PLEKHA6: variants seen among roughly 807,000 people sequenced by gnomAD.
PLEKHA6 encodes the protein pleckstrin homology domain containing A6, also known as pleckstrin homology domain-containing family A member 6.
In PLEKHA6, 60 loss-of-function variants were observed where a neutral mutation model predicts 116.7. The observed-to-expected ratio is 0.51, with a 90% confidence interval of 0.42 to 0.64. The LOEUF (loss-of-function observed/expected upper bound fraction) is 0.64, where lower values mean the gene tolerates loss of function less well. Ranked by LOEUF, PLEKHA6 falls within the 30% of genes least tolerant of loss-of-function variation. The pLI is 0.00. For missense variants in PLEKHA6, 1,338 were observed against 1,422.7 expected (o/e 0.94, Z 0.96); for synonymous variants, 489 against 556.1 (o/e 0.88, Z 1.70).
chr1:204,279,893 T>C (rs1462125488), intron 1 of PLEKHA6, among the ~76,000 whole-genome samples: 1 of 152,218 alleles, frequency 6.6e-6, no homozygotes, highest in African/African-American at 2.4e-5. Flanking sequence ...TTCTATGAAA[T>C]AATAGCTGTA....
chr1:204,246,164 C>T (rs920696490), intron 13 of PLEKHA6, among the ~76,000 whole-genome samples: 6 of 152,194 alleles, frequency 3.9e-5, no homozygotes, highest in African/African-American at 1.4e-4. Context: ...GTCATGAATT[C>T]AATTACAGTT....
intron 9 of PLEKHA6, chr1:204,251,590 T>C (rs1262916428): frequency 2.8e-6 from 2 of 702,926 alleles, no homozygotes; most frequent in Non-Finnish European, 5.2e-6. Flanking sequence ...ACCATACTGA[T>C]GAGAGTCTCG....
In PLEKHA6 at chr1:204,245,677, T is replaced by A. The variant is rs902249029; in HGVS notation, c.1970A>T (p.Asp657Val). Residue 657 changes from aspartate (D) to valine (V), a missense_variant, in exon 14 of 23, where the codon GAC becomes GTC. Asp to Val is a radical substitution (Grantham distance 152, BLOSUM62 -3). Around this residue, in one of 3 missense-constraint regions of PLEKHA6, gnomAD observed 1,136 missense variants for 1,163.6 expected, o/e 0.98. Transcript: ENST00000272203. ...GTTCTTCCTCAGCCCCTCCATCACG[T>A]CCTGGATCCTCCAGATCTCCTTTTG... Reference protein sequence around the residue: ...QIQKEIWRIQDVMEGLRKNNP... With the variant: ...QIQKEIWRIQVVMEGLRKNNP... 1 of 1,613,804 alleles carries A rather than the reference T, an allele frequency of 6.2e-7. No individual in the cohort carries two copies. Among genetic ancestry groups the A allele is most frequent in the Non-Finnish European group, 8.5e-7 (1 of 1,179,848 alleles).
chr1:204,372,617 A>G (rs919441792), intron 1 of PLEKHA6, among the ~76,000 whole-genome samples: 2 of 152,196 alleles, frequency 1.3e-5, no homozygotes, highest in African/African-American at 4.8e-5. Context: ...AAAATGAGAT[A>G]TCGAATAAAC....
At chr1:204,263,014 T>G (rs1234797019) in intron 6 of PLEKHA6, among the ~76,000 whole-genome samples, 1 of 152,050 alleles carries the variant, frequency 6.6e-6, no homozygotes, top group African/African-American at 2.4e-5. Flanking sequence ...AATTCATCAA[T>G]TCAATGAGCA....
Position 204,219,878 on chromosome 1 carries a change from G to A in PLEKHA6, c.*2910C>T, listed in dbSNP as rs1377778481. 1 of 152,300 alleles carries A rather than the reference G, an allele frequency of 6.6e-6. No individual in the cohort carries two copies. The highest frequency in any genetic ancestry group is 1.5e-5 in the Non-Finnish European group (1 of 68,100). The allele number at this position is 152,300 out of a possible 1,614,324, so 9.4% of individuals were successfully genotyped here. ...GGTTGAGATGCCACCTTGTCTGTAG[G>A]ACCCTCCTTGGCCCAGAGGCTGATT... On this transcript the variant is annotated 3_prime_UTR_variant, in exon 23 of 23. Coordinates refer to ENST00000272203, the MANE Select transcript of PLEKHA6 (RefSeq NM_014935.5).
intron 1 of PLEKHA6, among the ~76,000 whole-genome samples, chr1:204,337,862 TG>T (rs1417105114): frequency 1.3e-5 from 2 of 152,244 alleles, no homozygotes; most frequent in Non-Finnish European, 2.9e-5. Context: ...TCAACTGCGT[TG>T]CCAGCCATAA....
intron 1 of PLEKHA6, among the ~76,000 whole-genome samples, chr1:204,311,031 C>T (rs912217782): frequency 6.6e-6 from 1 of 152,142 alleles, no homozygotes; most frequent in Non-Finnish European, 1.5e-5. Context: ...GAATGAGAGC[C>T]TCCCACATTT....
chr1:204,317,198 G>T, intron 1 of PLEKHA6: 1 of 949,796 alleles, frequency 1.1e-6, no homozygotes, highest in Non-Finnish European at 1.3e-6. Context: ...TAAGCATAGG[G>T]TACTGCTGAT....
chr1:204,264,660 C>A (rs1666552267), intron 6 of PLEKHA6, among the ~76,000 whole-genome samples: 1 of 152,166 alleles, frequency 6.6e-6, no homozygotes, highest in Admixed American at 6.5e-5. Context: ...AATTGTGGTG[C>A]TGCTGAAACA....
At chr1:204,298,665 T>C (rs1159096490) in intron 1 of PLEKHA6, among the ~76,000 whole-genome samples, 2 of 152,174 alleles carry the variant, frequency 1.3e-5, no homozygotes, top group Non-Finnish European at 2.9e-5. Flanking sequence ...AGGGCTAATG[T>C]GCAACAGAAA....
At chr1:204,227,085 C>CA (rs944519015) in intron 21 of PLEKHA6, among the ~76,000 whole-genome samples, 15 of 152,184 alleles carry the variant, frequency 9.9e-5, no homozygotes, top group African/African-American at 3.6e-4. Context: ...TGAACCTCCT[C>CA]AATCACCAAC....
chr1:204,323,542 C>T (rs1394401408), intron 1 of PLEKHA6, among the ~76,000 whole-genome samples: 1 of 152,178 alleles, frequency 6.6e-6, no homozygotes, highest in Non-Finnish European at 1.5e-5. Flanking sequence ...GCTGTCACAG[C>T]CAAATGGACA....
At position 204,337,651 on chromosome 1, in the gene PLEKHA6, C is replaced by A. The variant is rs1166586160; in HGVS notation, c.-95+22043G>T. Among the ~76,000 whole-genome samples, 4 of 152,138 alleles carry A rather than the reference C, an allele frequency of 2.6e-5. No homozygotes were observed. In the East Asian group the frequency reaches 7.7e-4, roughly 29 times the overall value. On this transcript the variant is annotated intron_variant, in intron 1 of 22. Coordinates refer to ENST00000272203, the MANE Select transcript of PLEKHA6 (RefSeq NM_014935.5). ...CTCACCTCAGCTGCTCTAGGAGAAG[C>A]CTCCGGGGTGACTGGAGACCTGGCT...
chr1:204,351,647 A>G (rs1204142927), intron 1 of PLEKHA6, among the ~76,000 whole-genome samples: 1 of 152,194 alleles, frequency 6.6e-6, no homozygotes, highest in Non-Finnish European at 1.5e-5. Flanking sequence ...ATTGAGCCAT[A>G]CAACAATCAT....
chr1:204,308,834 A>G (rs1235322522), intron 1 of PLEKHA6, among the ~76,000 whole-genome samples: 5 of 151,234 alleles, frequency 3.3e-5, no homozygotes, highest in South Asian at 2.1e-4. Context: ...GACTACAGGC[A>G]CCCACCATCA....
chr1:204,237,575 A>C (rs987394446), intron 17 of PLEKHA6, among the ~76,000 whole-genome samples: 20 of 152,216 alleles, frequency 1.3e-4, no homozygotes, highest in African/African-American at 4.6e-4. Flanking sequence ...TGCCTGTACC[A>C]GATGTGGTTT....
At chr1:204,315,710 C>T (rs1370085554) in intron 1 of PLEKHA6, among the ~76,000 whole-genome samples, 1 of 152,220 alleles carries the variant, frequency 6.6e-6, no homozygotes, top group African/African-American at 2.4e-5. Context: ...TTCAAGGAAA[C>T]CCTAATCTAG....
intron 1 of PLEKHA6, among the ~76,000 whole-genome samples, chr1:204,286,208 A>C (rs1669160141): frequency 6.6e-6 from 1 of 152,282 alleles, no homozygotes; most frequent in East Asian, 1.9e-4. Context: ...AGACAATCTC[A>C]GAGGAACGGA....
Sources: gnomAD v4.1 joint callset for allele counts (sites outside exome capture counted in the v4.1 genomes callset) on GRCh38, gnomAD v4.1.1 for gene constraint, gnomAD v4.1.1 regional missense constraint, MANE v1.5 for transcripts, NCBI Gene and HGNC (gene_info 2026-07-23, HGNC 2026-07-21) for gene names.